Variants in LRGUK observed in about 807,000 individuals in gnomAD.
LRGUK encodes the protein leucine rich repeats and guanylate kinase domain containing.
In LRGUK, 65 loss-of-function variants were observed where a neutral mutation model predicts 76.0. The observed-to-expected ratio is 0.85, with a 90% CI of 0.70 to 1.05. The LOEUF is 1.05. Ranked by LOEUF, LRGUK falls within the 50% of genes least tolerant of loss-of-function variation. The probability of loss-of-function intolerance (pLI) is 0.00; values close to 1 mark genes in which losing one functional copy is unlikely to be tolerated. For missense variants in LRGUK, 758 were observed against 732.8 expected, an observed-to-expected ratio of 1.03 and a Z score of -0.40; for synonymous variants, 268 against 265.6, an observed-to-expected ratio of 1.01 and a Z score of -0.09.
chr7:134,183,821 C>T, exon 11 of LRGUK: 1 of 1,614,122 alleles, frequency 6.2e-7, no homozygotes, highest in East Asian at 2.2e-5. Flanking sequence ...CCCATCGCCT[C>T]TGCAGACAGT....
At chr7:134,270,627 G>A in the LRGUK span, among the ~76,000 whole-genome samples, 1 of 151,956 alleles carries the variant, frequency 6.6e-6, no homozygotes, top group Non-Finnish European at 1.5e-5. Context: ...AAAACTTCGT[G>A]TTATATTACA....
At chr7:134,246,620 A>T (rs1194100347) in intron 16 of LRGUK, among the ~76,000 whole-genome samples, 1 of 152,196 alleles carries the variant, frequency 6.6e-6, no homozygotes, top group Admixed American at 6.5e-5. Context: ...ATTTTAAGTG[A>T]ATGCCAATTT....
At chr7:134,169,703 A>G (rs1326809965) in intron 7 of LRGUK, among the ~76,000 whole-genome samples, 2 of 152,140 alleles carry the variant, frequency 1.3e-5, no homozygotes, top group African/African-American at 2.4e-5. Context: ...TAGGAAACAA[A>G]TTGTCCCAAC....
chr7:134,131,155 T>C (rs868487670), intron 1 of LRGUK, among the ~76,000 whole-genome samples: 1 of 152,230 alleles, frequency 6.6e-6, no homozygotes, highest in Non-Finnish European at 1.5e-5. Context: ...GAAAAACACT[T>C]CTTTTCAGTC....
At chr7:134,181,393 C>CTTT (rs148882118) in intron 10 of LRGUK, among the ~76,000 whole-genome samples, 1 of 145,210 alleles carries the variant, frequency 6.9e-6, no homozygotes, top group South Asian at 2.2e-4. Flanking sequence ...ATGTAATGTG[C>CTTT]TTTTTTTTTT....
chr7:134,261,669 A>G (rs981096215), intron 19 of LRGUK, among the ~76,000 whole-genome samples: 1 of 152,218 alleles, frequency 6.6e-6, no homozygotes, highest in South Asian at 2.1e-4. Context: ...AGTGCCCTGT[A>G]GAAATCAAGA....
intron 16 of LRGUK, among the ~76,000 whole-genome samples, chr7:134,245,450 T>G (rs1802277171): frequency 6.6e-6 from 1 of 152,190 alleles, no homozygotes; most frequent in African/African-American, 2.4e-5. Flanking sequence ...ATCATCTGAC[T>G]TCCTCCTGCA....
chr7:134,183,703 T>C (rs1202987964), intron 10 of LRGUK, 31 bp from the exon 11 acceptor site: 1 of 1,612,684 alleles, frequency 6.2e-7, no homozygotes, highest in Admixed American at 1.7e-5. Flanking sequence ...CTGACTGCAA[T>C]AGGAGAACTG....
chr7:134,168,681 T>G (rs1016863953), intron 7 of LRGUK, among the ~76,000 whole-genome samples: 4 of 151,966 alleles, frequency 2.6e-5, no homozygotes, highest in African/African-American at 9.7e-5. Flanking sequence ...TAGGGCAGAT[T>G]GGAGGTGGTG....
At chr7:134,236,896 C>A (rs558299897) in intron 16 of LRGUK, among the ~76,000 whole-genome samples, 1 of 152,178 alleles carries the variant, frequency 6.6e-6, no homozygotes, top group South Asian at 2.1e-4. Context: ...TGTTCAATAC[C>A]TAGTTCAATT....
At chr7:134,175,876 C>G (rs974484313) in intron 8 of LRGUK, among the ~76,000 whole-genome samples, 3 of 151,954 alleles carry the variant, frequency 2.0e-5, no homozygotes, top group African/African-American at 7.3e-5. Flanking sequence ...AAATGAATAT[C>G]ATTTTATTAT....
chr7:134,213,165 A>C (rs1038675598), downstream of LRGUK, among the ~76,000 whole-genome samples: 2 of 152,134 alleles, frequency 1.3e-5, no homozygotes, highest in Non-Finnish European at 2.9e-5. Flanking sequence ...GTCTATATAG[A>C]TCCAAAGTGC....
At chr7:134,130,211 A>G (rs1310135283) in intron 1 of LRGUK, among the ~76,000 whole-genome samples, 3 of 152,276 alleles carry the variant, frequency 2.0e-5, no homozygotes, top group Admixed American at 6.5e-5. Flanking sequence ...TTACTTTGCT[A>G]TCTTTAACAG....
intron 15 of LRGUK, among the ~76,000 whole-genome samples, chr7:134,206,171 T>C (rs1179171189): frequency 6.6e-6 from 1 of 152,190 alleles, no homozygotes; most frequent in Non-Finnish European, 1.5e-5. Context: ...AATACTAACT[T>C]TAGGTACACA....
intron 8 of LRGUK, 138 bp downstream of exon 8, chr7:134,174,774 T>C: frequency 1.6e-6 from 1 of 638,714 alleles, no homozygotes; most frequent in Non-Finnish European, 2.8e-6. Flanking sequence ...ATCTTCCTTC[T>C]TTCTAAGGAA....
downstream of LRGUK, among the ~76,000 whole-genome samples, chr7:134,214,798 AC>A (rs1801392779): frequency 6.6e-6 from 1 of 151,990 alleles, no homozygotes; most frequent in Non-Finnish European, 1.5e-5. Context: ...ACACACACAC[AC>A]ACACACACAC....
chr7:134,265,953 C>T, downstream of LRGUK, among the ~76,000 whole-genome samples: 1 of 152,180 alleles, frequency 6.6e-6, no homozygotes, highest in East Asian at 1.9e-4. Flanking sequence ...CAAGGTGCCT[C>T]TCCCCCTCCC....
intron 6 of LRGUK, among the ~76,000 whole-genome samples, chr7:134,160,984 G>GTTGTGGT (rs949217677): frequency 1.1e-3 from 164 of 152,038 alleles, no homozygotes; most frequent in African/African-American, 3.7e-3. Flanking sequence ...TTTTTTTTCA[G>GTTGTGGT]TTGTGGTTTC....
At chr7:134,239,840 C>T (rs1438628962) in intron 16 of LRGUK, among the ~76,000 whole-genome samples, 1 of 152,194 alleles carries the variant, frequency 6.6e-6, no homozygotes, top group African/African-American at 2.4e-5. Context: ...GGATGCCCCT[C>T]TGAGACGAAG....
Sources: gnomAD v4.1 joint callset for allele counts (sites outside exome capture counted in the v4.1 genomes callset) on GRCh38, gnomAD v4.1.1 for gene constraint, MANE v1.5 for transcripts, NCBI Gene and HGNC (gene_info 2026-07-23, HGNC 2026-07-21) for gene names.